The following AOAH variants were observed in gnomAD, a reference collection of about 807,000 sequenced individuals.
AOAH encodes the protein acyloxyacyl hydrolase, also known as acyloxyacyl hydrolase (neutrophil).
In AOAH, 64 loss-of-function variants were observed where a neutral mutation model predicts 92.2. The observed-to-expected ratio is 0.69, with a 90% CI of 0.57 to 0.86. AOAH has a LOEUF of 0.86. Among genes scored for constraint, AOAH ranks in the 40% least tolerant of loss-of-function variants. The pLI is 0.00. For missense variants in AOAH, 656 were observed against 694.6 expected (o/e 0.94, Z 0.62); for synonymous variants, 263 against 254.5 (o/e 1.03, Z -0.32).
rs576132737 is a variant in AOAH at position 36,623,255 on chromosome 7, G to C, written c.522-5C>G. ...GGCACAGACTGTTCCATAGCTCTAGGAAAAAGAAAACAAAACAATCGGTGA... is the reference window on the plus strand; with the variant it reads ...GGCACAGACTGTTCCATAGCTCTAGCAAAAAGAAAACAAAACAATCGGTGA... On this transcript the variant is annotated splice_region_variant and splice_polypyrimidine_tract_variant and intron_variant, in intron 6 of 20. Coordinates refer to ENST00000617537, the MANE Select transcript of AOAH (RefSeq NM_001637.4). 23 of 1,612,666 alleles carry C rather than the reference G, an allele frequency of 1.4e-5. No homozygotes were observed. In the South Asian group the frequency reaches 2.5e-4, roughly 18 times the overall value.
chr7:36,610,121 T>C (rs2727813), intron 11 of AOAH, among the ~76,000 whole-genome samples: 3,863 of 120,286 alleles, frequency 0.032, 148 homozygotes, highest in African/African-American at 0.094. Context: ...CTTTTTTTCT[T>C]TTTTCTTTTT....
chr7:36,627,089 G>A (rs1325772457), intron 6 of AOAH, among the ~76,000 whole-genome samples: 2 of 152,134 alleles, frequency 1.3e-5, no homozygotes, highest in Non-Finnish European at 2.9e-5. Context: ...GCTGTGTGCT[G>A]GGAATCATAT....
Position 36,532,164 on chromosome 7 carries a change from G to A in AOAH, c.1408C>T (p.Arg470Trp), listed in dbSNP as rs374388494. 9.9e-6 allele frequency: 16 copies of A among 1,614,088 alleles called. No homozygotes were observed. The highest frequency in any genetic ancestry group is 1.3e-5 in the African/African-American group (1 of 74,928). ...HGWMSSNKTL[R>W]TLTSERAEQL... ...AGTCATACCTCTGAAGTGAGAGTCCGCAACGTCTTGTTGGAAGACATCCAG... is the reference window on the plus strand; with the variant it reads ...AGTCATACCTCTGAAGTGAGAGTCCACAACGTCTTGTTGGAAGACATCCAG... Residue 470 changes from arginine to tryptophan, a missense_variant, in exon 18 of 21, where the codon CGG becomes TGG. Physicochemically the swap from Arg to Trp is moderately radical, Grantham distance 101. Transcript: ENST00000617537.
At chr7:36,636,712 A>C (rs1212229290) in intron 5 of AOAH, among the ~76,000 whole-genome samples, 1 of 152,248 alleles carries the variant, frequency 6.6e-6, no homozygotes, top group Non-Finnish European at 1.5e-5. Flanking sequence ...GGCCTTGTTC[A>C]TAAAAACCCA....
chr7:36,524,372 T>G (rs1784274649), intron 19 of AOAH, among the ~76,000 whole-genome samples: 1 of 151,552 alleles, frequency 6.6e-6, no homozygotes, highest in Non-Finnish European at 1.5e-5. Context: ...CCCAGCCAGG[T>G]GCGGTGGCTC....
chr7:36,646,746 G>T (rs1187779822), intron 4 of AOAH, among the ~76,000 whole-genome samples: 1 of 152,018 alleles, frequency 6.6e-6, no homozygotes, highest in Non-Finnish European at 1.5e-5. Flanking sequence ...AGTGGTGATG[G>T]CCTCATGGCT....
chr7:36,593,717 C>T (rs1476575679), intron 12 of AOAH, among the ~76,000 whole-genome samples: 1 of 152,194 alleles, frequency 6.6e-6, no homozygotes, highest in African/African-American at 2.4e-5. Context: ...GCCCTGCTTA[C>T]CTTCCAGAGA....
intron 1 of AOAH, among the ~76,000 whole-genome samples, chr7:36,716,064 G>C (rs1160942909): frequency 1.3e-5 from 2 of 152,044 alleles, no homozygotes; most frequent in African/African-American, 2.4e-5. Flanking sequence ...GAAAATTTTT[G>C]CAACCTACTC....
intron 6 of AOAH, 103 bp downstream of exon 6, chr7:36,631,933 G>T: frequency 1.2e-6 from 1 of 811,068 alleles, no homozygotes; most frequent in Non-Finnish European, 2.0e-6. Context: ...CACCTTCAGG[G>T]ATGCCTTTTA....
intron 3 of AOAH, among the ~76,000 whole-genome samples, chr7:36,661,644 C>G (rs994334176): frequency 2.0e-5 from 3 of 152,166 alleles, no homozygotes; most frequent in African/African-American, 7.2e-5. Flanking sequence ...GAGCCTCCTC[C>G]ACCTCCTCCT....
chr7:36,514,577 A>G, intron 20 of AOAH: 1 of 1,535,556 alleles, frequency 6.5e-7, no homozygotes, highest in Non-Finnish European at 8.7e-7. Flanking sequence ...GCCTTTGAGG[A>G]GGATGCTCTT....
intron 1 of AOAH, among the ~76,000 whole-genome samples, chr7:36,718,216 T>A (rs1405618662): frequency 6.6e-6 from 1 of 152,144 alleles, no homozygotes; most frequent in East Asian, 1.9e-4. Flanking sequence ...GATGCTAACA[T>A]CATTATCATT....
At chr7:36,582,914 G>A (rs12701513) in intron 12 of AOAH, among the ~76,000 whole-genome samples, 64,865 of 151,270 alleles carry the variant, frequency 0.43, 14,140 homozygotes, top group Admixed American at 0.51. Flanking sequence ...GCATGATCTC[G>A]GCTCACTGCA....
Position 36,576,615 on chromosome 7 carries a change from T to C in AOAH, c.980A>G (p.Asn327Ser), listed in dbSNP as rs140505331. 3 of 1,584,604 alleles carry C rather than the reference T, an allele frequency of 1.9e-6. No homozygotes were observed. Among genetic ancestry groups the C allele is most frequent in the Non-Finnish European group, 2.6e-6 (3 of 1,161,126 alleles). Residue 327 changes from asparagine (N) to serine (S), a missense_variant, in exon 13 of 21, where the codon AAC becomes AGC. Physicochemically the swap from Asn to Ser is conservative, Grantham distance 46. Transcript: ENST00000617537. ...CTGGTAGTCCCTGTGATTACAGTGGTTTCTTTTCCATAAGCGAAGGTAAAT... is the reference window on the plus strand; with the variant it reads ...CTGGTAGTCCCTGTGATTACAGTGGCTTCTTTTCCATAAGCGAAGGTAAAT... ...KSIYLRLWKR[N>S]HCNHRDYQNI...
At position 36,623,180 on chromosome 7, in the gene AOAH, C is replaced by T. The variant is rs766239485; in HGVS notation, c.582+10G>A. 5.6e-6 allele frequency: 9 copies of T among 1,611,710 alleles called. No homozygotes were observed. The South Asian group carries it at 9.9e-5, about 18-fold the overall frequency. On this transcript the variant is annotated intron_variant, in intron 7 of 20. Coordinates refer to ENST00000617537, the MANE Select transcript of AOAH (RefSeq NM_001637.4). ...TTAGTGAACATCTGGTTATTCCTAA[C>T]AATACTTACTGGGAAAACGCTGTAT...
chr7:36,649,669 T>C (rs1346910034), intron 4 of AOAH, among the ~76,000 whole-genome samples: 1 of 152,226 alleles, frequency 6.6e-6, no homozygotes, highest in Non-Finnish European at 1.5e-5. Flanking sequence ...TCCCATTGTT[T>C]GGGAGCTCTG....
At chr7:36,680,960 C>T (rs532474837) in intron 2 of AOAH, among the ~76,000 whole-genome samples, 1 of 152,182 alleles carries the variant, frequency 6.6e-6, no homozygotes, top group Non-Finnish European at 1.5e-5. Flanking sequence ...AAGATGGTAC[C>T]TTGAACCAGC....
intron 15 of AOAH, among the ~76,000 whole-genome samples, chr7:36,546,771 T>C (rs1381576234): frequency 6.6e-6 from 1 of 152,214 alleles, no homozygotes; most frequent in Non-Finnish European, 1.5e-5. Context: ...GGTCTGACCA[T>C]AGCTTTGTTC....
intron 2 of AOAH, among the ~76,000 whole-genome samples, chr7:36,683,832 T>C (rs1796799418): frequency 6.6e-6 from 1 of 152,078 alleles, no homozygotes; most frequent in Non-Finnish European, 1.5e-5. Flanking sequence ...CTAGAAAGAA[T>C]GGGCAACTCA....
Sources: gnomAD v4.1 joint callset for allele counts (sites outside exome capture counted in the v4.1 genomes callset) on GRCh38, gnomAD v4.1.1 for gene constraint, MANE v1.5 for transcripts, NCBI Gene and HGNC (gene_info 2026-07-23, HGNC 2026-07-21) for gene names.